JADE2: variants seen among roughly 807,000 people sequenced by gnomAD.
The protein encoded by JADE2 is E3 ubiquitin-protein ligase Jade-2.
A neutral mutation model predicts 85.7 loss-of-function variants in JADE2; 13 were observed. The observed-to-expected ratio is 0.15, with a 90% CI of 0.10 to 0.24. The LOEUF is 0.24. JADE2 is among the 10% of genes least tolerant of loss of function. JADE2 has a pLI of 1.00. For missense variants in JADE2, 846 were observed against 1,115.9 expected (o/e 0.76, Z 3.45); for synonymous variants, 440 against 456.1 (o/e 0.96, Z 0.45).
chr5:134,579,037 C>T lies in JADE2; in HGVS notation c.2225C>T (p.Pro742Leu). 6.2e-7 allele frequency: 1 copy of T among 1,614,016 alleles called. No individual in the cohort carries two copies. The highest frequency in any genetic ancestry group is 8.5e-7 in the Non-Finnish European group (1 of 1,180,028). Residue 742 changes from proline (P) to leucine (L), a missense_variant, in exon 12 of 12, where the codon CCT (proline) becomes CTT (leucine). Pro to Leu is a moderately conservative substitution (Grantham distance 98). Transcript: ENST00000681547. The surrounding 1 kb of genome is among the most constrained non-coding windows in gnomAD (Gnocchi z 4.6). ...GACTCAGATGTCCAAGTGCCTGGCC[C>T]TGCAGCAAGCCCTAAGCCTTTGGGC... ...AADSDVQVPG[P>L]AASPKPLGRL...
intron 3 of JADE2, among the ~76,000 whole-genome samples, chr5:134,545,015 A>G (rs933810069): frequency 6.6e-6 from 1 of 152,236 alleles, no homozygotes; most frequent in Non-Finnish European, 1.5e-5. Flanking sequence ...ATTTTATAGT[A>G]GAACAATGAA....
At chr5:134,525,222 C>G, upstream of JADE2, among the ~76,000 whole-genome samples, 2 of 140,828 alleles carry the variant, frequency 1.4e-5, no homozygotes, top group Admixed American at 7.1e-5. Context: ...GCGTAGGGGG[C>G]GGGGTGTGAG....
intron 9 of JADE2, among the ~76,000 whole-genome samples, chr5:134,570,831 C>G (rs1262051773): frequency 1.3e-5 from 2 of 152,232 alleles, no homozygotes; most frequent in Non-Finnish European, 2.9e-5. Flanking sequence ...GCTCCACTGT[C>G]TTTCACGGCT....
intron 10 of JADE2, 60 bp downstream of exon 10, chr5:134,573,822 T>C: frequency 9.4e-7 from 1 of 1,069,212 alleles, no homozygotes; most frequent in Non-Finnish European, 1.5e-6. Flanking sequence ...CGGGGCTGGG[T>C]CCCAAGGAGG....
chr5:134,575,998 C>T (rs1278638285), intron 10 of JADE2, among the ~76,000 whole-genome samples: 2 of 152,146 alleles, frequency 1.3e-5, no homozygotes, highest in African/African-American at 4.8e-5. Flanking sequence ...CCCAAGAGTT[C>T]AAGACCAGTC....
At position 134,582,001 on chromosome 5, in the gene JADE2, C is replaced by G. The variant is rs1194884920; in HGVS notation, c.*2684C>G. 1 of 152,134 alleles carries G rather than the reference C, an allele frequency of 6.6e-6. No homozygotes were observed. The highest frequency in any genetic ancestry group is 1.5e-5 in the Non-Finnish European group (1 of 68,036). The allele number at this position is 152,134 out of a possible 1,614,324, so 9.4% of individuals were successfully genotyped here. A position where few individuals can be genotyped will look rare whatever the true frequency, so the allele number is the denominator to read the frequency against. On this transcript the variant is annotated 3_prime_UTR_variant, in exon 12 of 12. Transcript: ENST00000681547. ...GCTGTCCCTGAGACTGAGGCAGGTT[C>G]CTTTTCCAGGTCAGAGGTGGAGGTA...
chr5:134,535,090 G>A (rs991927343), intron 1 of JADE2, among the ~76,000 whole-genome samples: 1 of 152,194 alleles, frequency 6.6e-6, no homozygotes, highest in African/African-American at 2.4e-5. Context: ...AGCTCACCTG[G>A]TTAGGAACAG....
At chr5:134,558,957 G>C (rs1459226264) in intron 4 of JADE2, among the ~76,000 whole-genome samples, 1 of 152,192 alleles carries the variant, frequency 6.6e-6, no homozygotes, top group Non-Finnish European at 1.5e-5. Flanking sequence ...CACACCCTGC[G>C]GGCAGGCCTC....
chr5:134,534,260 A>G (rs1053080078), intron 1 of JADE2, among the ~76,000 whole-genome samples: 7 of 152,070 alleles, frequency 4.6e-5, no homozygotes, highest in Non-Finnish European at 1.0e-4. Context: ...GGGCTGCTCT[A>G]GGGACTCGTT....
intron 9 of JADE2, among the ~76,000 whole-genome samples, chr5:134,571,455 T>G (rs1764005203): frequency 6.6e-6 from 1 of 152,036 alleles, no homozygotes; most frequent in South Asian, 2.1e-4. Context: ...TCCCAGAACT[T>G]TGGGAGGCCA....
chr5:134,544,006 G>A (rs2149904181), intron 3 of JADE2, among the ~76,000 whole-genome samples: 1 of 152,248 alleles, frequency 6.6e-6, no homozygotes, highest in East Asian at 1.9e-4. Context: ...AGACCTGGAG[G>A]CCAGCCGCAT....
chr5:134,556,263 C>A (rs570172723), intron 4 of JADE2, among the ~76,000 whole-genome samples: 13 of 152,332 alleles, frequency 8.5e-5, no homozygotes, highest in African/African-American at 3.1e-4. Flanking sequence ...ACCATGGCAA[C>A]CAGCGGGGGG....
rs142589628 is a variant in JADE2 at position 134,527,942 on chromosome 5, C to T, written c.-1+1931C>T. Among the ~76,000 whole-genome samples the T allele has an allele frequency of 5.5e-3, 837 of 152,294 alleles. 4 individuals carry two copies. The highest frequency in any genetic ancestry group is 0.019 in the African/African-American group (792 of 41,576). The stretch of plus-strand genomic sequence containing the variant: ...GCTGCGTCTAGCACCCCTGGGTCAT[C>T]TTCTGCAGGATCCCGAGGCACAAAG... On this transcript the variant is annotated intron_variant, in intron 1 of 11. Transcript: ENST00000681547.
intron 3 of JADE2, among the ~76,000 whole-genome samples, chr5:134,541,610 G>A (rs1416276662): frequency 1.3e-5 from 2 of 152,216 alleles, no homozygotes; most frequent in African/African-American, 2.4e-5. Context: ...GAACACTTAC[G>A]GAGTGATGTG....
At chr5:134,530,756 C>A (rs1242604419) in intron 1 of JADE2, among the ~76,000 whole-genome samples, 1 of 152,182 alleles carries the variant, frequency 6.6e-6, no homozygotes, top group Non-Finnish European at 1.5e-5. Flanking sequence ...AGGAGCCCAA[C>A]CAAATAAAGC....
chr5:134,546,825 A>C (rs1328892877), intron 3 of JADE2, among the ~76,000 whole-genome samples: 5 of 152,152 alleles, frequency 3.3e-5, no homozygotes, highest in Non-Finnish European at 7.3e-5. Flanking sequence ...GTAGTGTGGT[A>C]ACTGCTGGAG....
chr5:134,525,193 C>T (rs1484022266), upstream of JADE2, among the ~76,000 whole-genome samples: 4 of 143,256 alleles, frequency 2.8e-5, no homozygotes, highest in African/African-American at 5.3e-5. Flanking sequence ...TTGCGGGGGG[C>T]GCCGCCCGGG....
intron 3 of JADE2, among the ~76,000 whole-genome samples, chr5:134,550,797 G>A (rs1762545186): frequency 6.6e-6 from 1 of 152,206 alleles, no homozygotes; most frequent in Non-Finnish European, 1.5e-5. Context: ...GGTGGGAGCA[G>A]CAGACAAAAC....
Position 134,533,617 on chromosome 5 carries a change from C to G in JADE2, c.1-2241C>G, listed in dbSNP as rs954776346. ...TGGGTGCACTTTTAGCACCTCCCCC[C>G]CACTCCACCCACCGATGTCAGGACA... On this transcript the variant is annotated intron_variant, in intron 1 of 11. Coordinates refer to ENST00000681547, the MANE Select transcript of JADE2 (RefSeq NM_001388185.1). 13 of 976,598 alleles carry G rather than the reference C, an allele frequency of 1.3e-5. No individual in the cohort carries two copies. The African/African-American group carries it at 1.8e-4, about 13-fold the overall frequency. 60.5% of individuals were successfully genotyped at this position (976,598 alleles called of 1,614,324 possible). A position where few individuals can be genotyped will look rare whatever the true frequency, so the allele number is the denominator to read the frequency against.
Sources: gnomAD v4.1 joint callset for allele counts (sites outside exome capture counted in the v4.1 genomes callset) on GRCh38, gnomAD v4.1.1 for gene constraint, Gnocchi (gnomAD v3.1) non-coding constraint, MANE v1.5 for transcripts, NCBI Gene and HGNC (gene_info 2026-07-23, HGNC 2026-07-21) for gene names.